Variants in PHF24 observed in about 807,000 individuals in gnomAD.
PHF24 encodes the protein PHD finger protein 24.
A neutral mutation model predicts 42.6 loss-of-function variants in PHF24; 25 were observed. The ratio of observed to expected loss-of-function variants is 0.59; its 90% CI spans 0.43 to 0.82. The LOEUF is 0.82. Among genes scored for constraint, PHF24 ranks in the 40% least tolerant of loss-of-function variants. The probability of loss-of-function intolerance (pLI) is 0.00; values close to 1 mark genes in which losing one functional copy is unlikely to be tolerated. For synonymous variants in PHF24, 185 were observed against 204.8 expected (o/e 0.90, Z 0.83); for missense variants, 470 against 538.1 (o/e 0.87, Z 1.25).
chr9:34,802,417 A>G, the PHF24 span, among the ~76,000 whole-genome samples: 639 of 152,202 alleles, frequency 4.2e-3, 8 homozygotes, highest in African/African-American at 0.015. Flanking sequence ...TTTCCGTCAT[A>G]GAATCTTTAT....
At chr9:34,853,530 A>G in the PHF24 span, among the ~76,000 whole-genome samples, 1 of 152,194 alleles carries the variant, frequency 6.6e-6, no homozygotes, top group Non-Finnish European at 1.5e-5. Flanking sequence ...TAGATTCAAT[A>G]GAAATGGCAC....
the PHF24 span, among the ~76,000 whole-genome samples, chr9:34,677,948 TG>T: frequency 6.6e-6 from 1 of 152,300 alleles, no homozygotes; most frequent in South Asian, 2.1e-4. Context: ...TCAATTTGAT[TG>T]GATTGAAGGA....
the PHF24 span, among the ~76,000 whole-genome samples, chr9:34,731,407 A>C: frequency 1.3e-5 from 2 of 152,218 alleles, no homozygotes; most frequent in African/African-American, 4.8e-5. Context: ...TGTATACATT[A>C]ACCATCTGCC....
the PHF24 span, among the ~76,000 whole-genome samples, chr9:34,816,462 C>T: frequency 0.3 from 46,158 of 152,026 alleles, 7,826 homozygotes; most frequent in East Asian, 0.56. Context: ...AATCAGGTAG[C>T]TTATAAACAA....
the PHF24 span, among the ~76,000 whole-genome samples, chr9:34,854,249 A>G: frequency 7.5e-6 from 1 of 132,762 alleles, no homozygotes; most frequent in African/African-American, 2.7e-5. Context: ...GCTTTTTTGA[A>G]GAGTTTTTTT....
At chr9:34,847,577 T>C in the PHF24 span, among the ~76,000 whole-genome samples, 1 of 151,910 alleles carries the variant, frequency 6.6e-6, no homozygotes, top group Admixed American at 6.6e-5. Context: ...CTTTTCCTAA[T>C]TGAATACCCT....
chr9:34,783,382 G>A, the PHF24 span, among the ~76,000 whole-genome samples: 6 of 152,112 alleles, frequency 3.9e-5, no homozygotes, highest in Non-Finnish European at 8.8e-5. Context: ...TACTATCTAC[G>A]TTAACATGAC....
At chr9:34,753,832 A>G in the PHF24 span, among the ~76,000 whole-genome samples, 19 of 152,216 alleles carry the variant, frequency 1.2e-4, no homozygotes, top group Admixed American at 2.0e-4. Flanking sequence ...AAACAAATCC[A>G]TGCATCTACA....
chr9:34,980,181 C>T (rs1229146336), exon 8 of PHF24: 1 of 152,222 alleles, frequency 6.6e-6, no homozygotes, highest in African/African-American at 2.4e-5. Flanking sequence ...GGAAGTCCAT[C>T]TTGTTCCCTG....
chr9:34,761,628 G>A, the PHF24 span, among the ~76,000 whole-genome samples: 5 of 152,088 alleles, frequency 3.3e-5, no homozygotes, highest in Admixed American at 6.5e-5. Context: ...ATTAGAGACT[G>A]GTGGTCAGGG....
the PHF24 span, among the ~76,000 whole-genome samples, chr9:34,784,886 G>A: frequency 2.0e-5 from 3 of 152,202 alleles, no homozygotes; most frequent in Non-Finnish European, 2.9e-5. Flanking sequence ...TTTTTCTAAT[G>A]TGGTCTTCTG....
chr9:34,724,097 C>G, the PHF24 span: 9 of 1,528,324 alleles, frequency 5.9e-6, no homozygotes, highest in South Asian at 1.1e-4. Context: ...TGGGTCCTCT[C>G]TGTTTCCTGC....
chr9:34,760,793 A>C, the PHF24 span, among the ~76,000 whole-genome samples: 1 of 152,146 alleles, frequency 6.6e-6, no homozygotes, highest in African/African-American at 2.4e-5. Flanking sequence ...GAAGGTCAAG[A>C]CCAGCCTGGG....
the PHF24 span, chr9:34,832,199 G>T: frequency 2.6e-6 from 1 of 389,912 alleles, no homozygotes; most frequent in Non-Finnish European, 4.6e-6. Context: ...TCCTCTGGAG[G>T]GCTGCAGCAG....
chr9:34,791,386 G>A, the PHF24 span, among the ~76,000 whole-genome samples: 2 of 152,174 alleles, frequency 1.3e-5, no homozygotes, highest in African/African-American at 4.8e-5. Context: ...AGGAGCAGAA[G>A]CATTCAGTTT....
chr9:34,927,681 G>A, the PHF24 span, among the ~76,000 whole-genome samples: 2 of 152,190 alleles, frequency 1.3e-5, no homozygotes, highest in Admixed American at 1.3e-4. Flanking sequence ...GGGGAGACAG[G>A]GCTATAGAGG....
the PHF24 span, among the ~76,000 whole-genome samples, chr9:34,796,261 A>G: frequency 1.3e-5 from 2 of 152,116 alleles, no homozygotes; most frequent in Non-Finnish European, 2.9e-5. Context: ...ATAAAATATA[A>G]AACTATAAAA....
At chr9:34,924,446 G>C in the PHF24 span, among the ~76,000 whole-genome samples, 2 of 152,096 alleles carry the variant, frequency 1.3e-5, no homozygotes, top group Non-Finnish European at 2.9e-5. Context: ...ATATATCTGG[G>C]TACTCCAGTG....
the PHF24 span, among the ~76,000 whole-genome samples, chr9:34,877,241 A>G: frequency 1.3e-5 from 2 of 149,904 alleles, no homozygotes; most frequent in East Asian, 3.9e-4. Context: ...AGATCACACC[A>G]CTGCACTCCA....
Sources: allele counts gnomAD v4.1 joint callset (sites outside exome capture counted in the v4.1 genomes callset), GRCh38; gene constraint gnomAD v4.1.1; transcripts MANE v1.5; gene names NCBI Gene and HGNC (gene_info 2026-07-23, HGNC 2026-07-21).